Variants in ATG5 observed in about 807,000 individuals in gnomAD.
ATG5 encodes the protein autophagy protein 5.
In ATG5, 14 loss-of-function variants were observed where a neutral mutation model predicts 36.5. The ratio of observed to expected loss-of-function variants is 0.38; its 90% CI spans 0.25 to 0.60. The LOEUF (loss-of-function observed/expected upper bound fraction) is 0.60. ATG5 is among the 20% of genes least tolerant of loss of function. The pLI, the probability that ATG5 is intolerant of heterozygous loss-of-function variation, is 0.60. For missense variants in ATG5, 195 were observed against 326.7 expected, an observed-to-expected ratio of 0.60 and a Z score of 3.11; for synonymous variants, 95 against 101.5, an observed-to-expected ratio of 0.94 and a Z score of 0.38.
intron 2 of ATG5, 77 bp downstream of exon 2, chr6:106,316,024 C>G: frequency 1.7e-6 from 2 of 1,152,782 alleles, no homozygotes; most frequent in East Asian, 4.9e-5. Context: ...TACATAATGG[C>G]CTCCAAGTTC....
chr6:106,314,641 C>T (rs1770771352), intron 2 of ATG5, among the ~76,000 whole-genome samples: 1 of 152,024 alleles, frequency 6.6e-6, no homozygotes, highest in African/African-American at 2.4e-5. Flanking sequence ...CAAATATACT[C>T]TTATACTCTC....
intron 7 of ATG5, among the ~76,000 whole-genome samples, chr6:106,201,476 G>C (rs1776427992): frequency 6.6e-6 from 1 of 152,148 alleles, no homozygotes; most frequent in South Asian, 2.1e-4. Flanking sequence ...TTAGCGCCAT[G>C]AAACAGGTCA....
intron 5 of ATG5, among the ~76,000 whole-genome samples, chr6:106,254,458 T>C (rs934639647): frequency 1.1e-4 from 17 of 152,286 alleles, no homozygotes; most frequent in African/African-American, 4.1e-4. Context: ...ACATAGTACA[T>C]ACTCAACGAA....
At chr6:106,208,047 G>A (rs779932878) in intron 6 of ATG5, among the ~76,000 whole-genome samples, 25 of 152,094 alleles carry the variant, frequency 1.6e-4, no homozygotes, top group Admixed American at 1.3e-4. Flanking sequence ...AGCCGAAATC[G>A]CGCCACTGCA....
intron 5 of ATG5, among the ~76,000 whole-genome samples, chr6:106,268,838 G>A (rs1779327128): frequency 1.3e-5 from 2 of 151,668 alleles, no homozygotes. Flanking sequence ...AGAACACATG[G>A]GACACAGGGA....
At chr6:106,293,573 T>C (rs978333947) in intron 3 of ATG5, among the ~76,000 whole-genome samples, 2 of 152,224 alleles carry the variant, frequency 1.3e-5, no homozygotes, top group African/African-American at 4.8e-5. Context: ...TTATAGCATA[T>C]ACATTTCCAG....
chr6:106,258,160 G>A (rs1183761791), intron 5 of ATG5, among the ~76,000 whole-genome samples: 2 of 115,792 alleles, frequency 1.7e-5, no homozygotes, highest in East Asian at 2.9e-4. Context: ...CTCCTCAAAC[G>A]GCAGAGATGA....
At chr6:106,303,360 A>ATAGTGT (rs953166474) in intron 3 of ATG5, among the ~76,000 whole-genome samples, 11 of 152,114 alleles carry the variant, frequency 7.2e-5, no homozygotes, top group Non-Finnish European at 2.9e-5. Flanking sequence ...CCAACACTCA[A>ATAGTGT]TGAAGAGGAA....
At chr6:106,322,496 A>G (rs1053960197) in intron 1 of ATG5, among the ~76,000 whole-genome samples, 1 of 152,084 alleles carries the variant, frequency 6.6e-6, no homozygotes, top group Admixed American at 6.6e-5. Context: ...CCACTTTCCT[A>G]CATCACTATT....
intron 6 of ATG5, among the ~76,000 whole-genome samples, chr6:106,229,571 G>C (rs1369230984): frequency 2.4e-5 from 3 of 127,182 alleles, no homozygotes; most frequent in South Asian, 2.7e-4. Context: ...AAAAAAAACA[G>C]TGTGCCCTAT....
chr6:106,260,453 G>A (rs1045596646), intron 5 of ATG5, among the ~76,000 whole-genome samples: 9 of 152,170 alleles, frequency 5.9e-5, no homozygotes, highest in African/African-American at 2.2e-4. Flanking sequence ...GCATAGTCTG[G>A]ATACTAAAGG....
At chr6:106,267,643 T>C (rs1335505309) in intron 5 of ATG5, among the ~76,000 whole-genome samples, 1 of 152,062 alleles carries the variant, frequency 6.6e-6, no homozygotes, top group Non-Finnish European at 1.5e-5. Flanking sequence ...AAAACAGATA[T>C]ATAGACCAAT....
intron 6 of ATG5, among the ~76,000 whole-genome samples, chr6:106,203,933 T>C (rs1776531108): frequency 1.3e-5 from 2 of 152,164 alleles, no homozygotes; most frequent in African/African-American, 4.8e-5. Context: ...GAAATAGACA[T>C]GGATGAAGCT....
chr6:106,226,325 G>T (rs542852473), intron 6 of ATG5, among the ~76,000 whole-genome samples: 1 of 152,140 alleles, frequency 6.6e-6, no homozygotes, highest in Non-Finnish European at 1.5e-5. Flanking sequence ...CTTGGGAAAG[G>T]GGGGAAGCAT....
At chr6:106,303,615 A>G (rs547064144) in intron 3 of ATG5, among the ~76,000 whole-genome samples, 2 of 152,290 alleles carry the variant, frequency 1.3e-5, no homozygotes, top group African/African-American at 4.8e-5. Flanking sequence ...ACAGAAAACT[A>G]CAATCCCTCT....
At chr6:106,318,250 G>T (rs1443060280) in intron 1 of ATG5, among the ~76,000 whole-genome samples, 1 of 152,014 alleles carries the variant, frequency 6.6e-6, no homozygotes, top group African/African-American at 2.4e-5. Flanking sequence ...TAATAGGCAG[G>T]GATGATCATA....
intron 6 of ATG5, among the ~76,000 whole-genome samples, chr6:106,247,553 C>T (rs1036136787): frequency 1.2e-4 from 18 of 152,180 alleles, no homozygotes; most frequent in African/African-American, 3.9e-4. Flanking sequence ...CTGAAATCAT[C>T]GCTCCTGGGG....
intron 4 of ATG5, 114 bp from the exon 5 acceptor site, chr6:106,279,937 G>A: frequency 1.5e-6 from 1 of 686,504 alleles, no homozygotes; most frequent in South Asian, 5.7e-5. Context: ...CTATCTCTTA[G>A]CACTGAAATA....
At chr6:106,324,703 A>C (rs1251295276) in intron 1 of ATG5, among the ~76,000 whole-genome samples, 1 of 152,250 alleles carries the variant, frequency 6.6e-6, no homozygotes, top group African/African-American at 2.4e-5. Context: ...TTTAAGTAGC[A>C]TATCTTTGAA....
Sources: allele counts gnomAD v4.1 joint callset (sites outside exome capture counted in the v4.1 genomes callset), GRCh38; gene constraint gnomAD v4.1.1; transcripts MANE v1.5; gene names NCBI Gene and HGNC (gene_info 2026-07-23, HGNC 2026-07-21).